The following ENTREP2 variants were observed in gnomAD, a reference collection of about 807,000 sequenced individuals.
The protein encoded by ENTREP2 is protein ENTREP2.
the ENTREP2 span, among the ~76,000 whole-genome samples, chr15:29,322,674 C>T: frequency 1.3e-5 from 2 of 152,176 alleles, no homozygotes; most frequent in Admixed American, 6.5e-5. Flanking sequence ...TGTAAAGTGT[C>T]GACTTGCTGA....
chr15:29,441,614 T>C, the ENTREP2 span, among the ~76,000 whole-genome samples: 1 of 152,206 alleles, frequency 6.6e-6, no homozygotes, highest in Non-Finnish European at 1.5e-5. Flanking sequence ...TATGTACATA[T>C]ATGCATATAG....
chr15:29,470,506 G>A, the ENTREP2 span, among the ~76,000 whole-genome samples: 1 of 152,192 alleles, frequency 6.6e-6, no homozygotes, highest in South Asian at 2.1e-4. Context: ...CTCGTCACTC[G>A]GACAACCAGG....
chr15:29,155,110 G>A, the ENTREP2 span, among the ~76,000 whole-genome samples: 89 of 142,692 alleles, frequency 6.2e-4, no homozygotes, highest in South Asian at 1.8e-3. Context: ...GTGAAACCCC[G>A]TCTCTACTAA....
the ENTREP2 span, among the ~76,000 whole-genome samples, chr15:29,362,460 C>T: frequency 9.7e-3 from 1,441 of 149,054 alleles, 38 homozygotes; most frequent in African/African-American, 0.034. Context: ...CTGCAACTTC[C>T]GCCTCCCGGG....
the ENTREP2 span, among the ~76,000 whole-genome samples, chr15:29,535,772 T>C: frequency 6.6e-6 from 1 of 152,174 alleles, no homozygotes; most frequent in East Asian, 1.9e-4. Flanking sequence ...AGTCTCACTC[T>C]ATCGGCCAGG....
At chr15:29,585,535 C>G in the ENTREP2 span, among the ~76,000 whole-genome samples, 3 of 152,140 alleles carry the variant, frequency 2.0e-5, no homozygotes, top group African/African-American at 4.8e-5. Context: ...GAAAGTGGAG[C>G]CTTTATACAG....
At chr15:29,154,735 A>G in the ENTREP2 span, among the ~76,000 whole-genome samples, 8 of 152,220 alleles carry the variant, frequency 5.3e-5, no homozygotes, top group African/African-American at 1.9e-4. Flanking sequence ...TCGTTCATGT[A>G]TACATGAGCC....
chr15:29,325,251 T>G, the ENTREP2 span, among the ~76,000 whole-genome samples: 1 of 151,950 alleles, frequency 6.6e-6, no homozygotes, highest in Admixed American at 6.6e-5. Flanking sequence ...TAACCAATAA[T>G]ATAAGCGTGT....
the ENTREP2 span, among the ~76,000 whole-genome samples, chr15:29,275,170 A>G: frequency 6.6e-6 from 1 of 152,226 alleles, no homozygotes. Flanking sequence ...CGGGCAGCAT[A>G]TTCTGCCATC....
chr15:29,384,374 C>G, the ENTREP2 span, among the ~76,000 whole-genome samples: 2 of 152,152 alleles, frequency 1.3e-5, no homozygotes, highest in Non-Finnish European at 2.9e-5. Flanking sequence ...CTCCATTTCC[C>G]GGTTCATCTC....
chr15:29,529,379 G>A, the ENTREP2 span, among the ~76,000 whole-genome samples: 1 of 151,912 alleles, frequency 6.6e-6, no homozygotes, highest in African/African-American at 2.4e-5. Context: ...CCATTGGTGA[G>A]GCAGGTTAAG....
chr15:29,144,552 G>A, the ENTREP2 span, among the ~76,000 whole-genome samples: 3 of 152,042 alleles, frequency 2.0e-5, no homozygotes, highest in African/African-American at 7.2e-5. Context: ...ATCATAGAGG[G>A]AACCTGTCTC....
At chr15:29,465,505 G>A in the ENTREP2 span, among the ~76,000 whole-genome samples, 1 of 152,248 alleles carries the variant, frequency 6.6e-6, no homozygotes, top group African/African-American at 2.4e-5. Flanking sequence ...ATTGACTTAA[G>A]TGGACCATAA....
chr15:29,290,238 G>A, the ENTREP2 span, among the ~76,000 whole-genome samples: 8 of 152,248 alleles, frequency 5.3e-5, no homozygotes, highest in East Asian at 3.9e-4. Context: ...GCACTCTCCC[G>A]AGCCATAACT....
At chr15:29,355,177 C>G in the ENTREP2 span, among the ~76,000 whole-genome samples, 1 of 152,156 alleles carries the variant, frequency 6.6e-6, no homozygotes, top group Non-Finnish European at 1.5e-5. Context: ...GGTCCAGGAG[C>G]CAGGGCAGCT....
the ENTREP2 span, among the ~76,000 whole-genome samples, chr15:29,631,297 T>A: frequency 6.6e-6 from 1 of 152,200 alleles, no homozygotes; most frequent in African/African-American, 2.4e-5. Flanking sequence ...TCAAGTTATT[T>A]TCTGGGTTCC....
the ENTREP2 span, among the ~76,000 whole-genome samples, chr15:29,350,958 A>G: frequency 6.6e-6 from 1 of 152,140 alleles, no homozygotes; most frequent in Non-Finnish European, 1.5e-5. Flanking sequence ...AAATAAATAT[A>G]TATATAATAC....
the ENTREP2 span, among the ~76,000 whole-genome samples, chr15:29,497,648 T>C: frequency 3.3e-5 from 5 of 152,182 alleles, no homozygotes; most frequent in Non-Finnish European, 7.3e-5. Context: ...TTCCCTTTCA[T>C]TTCTGATTTT....
At chr15:29,293,510 C>A in the ENTREP2 span, among the ~76,000 whole-genome samples, 1 of 152,076 alleles carries the variant, frequency 6.6e-6, no homozygotes, top group Non-Finnish European at 1.5e-5. Context: ...CCCGCCTTGG[C>A]CTCCCAAAGT....
Sources: gnomAD v4.1 joint callset for allele counts (sites outside exome capture counted in the v4.1 genomes callset) on GRCh38, gnomAD v4.1.1 for gene constraint, MANE v1.5 for transcripts, NCBI Gene and HGNC (gene_info 2026-07-23, HGNC 2026-07-21) for gene names.